The following GSTZ1 variants were observed in gnomAD, a reference collection of about 807,000 sequenced individuals.
GSTZ1 encodes glutathione S-transferase zeta 1, also known as maleylacetoacetate isomerase.
A neutral mutation model predicts 35.9 loss-of-function variants in GSTZ1; 34 were observed. That is an observed-to-expected ratio of 0.95 (90% CI 0.72 to 1.26). The LOEUF is 1.26. GSTZ1 is among the 50% of genes most tolerant of loss of function. GSTZ1 has a pLI of 0.00. For missense variants in GSTZ1, 263 were observed against 271.7 expected (o/e 0.97, Z 0.23); for synonymous variants, 93 against 101.2 (o/e 0.92, Z 0.49).
chr14:77,328,235 C>T (rs761069750), intron 5 of GSTZ1, 198 bp downstream of exon 5: 14 of 595,706 alleles, frequency 2.4e-5, no homozygotes, highest in African/African-American at 5.6e-5. Flanking sequence ...TCCCCCGCTG[C>T]GTTCCGAGAA....
At position 77,324,897 on chromosome 14, in the gene GSTZ1, T is replaced by C; in HGVS notation, c.43T>C (p.Ser15Pro). The C allele has an allele frequency of 6.2e-7, 1 of 1,614,016 alleles. No homozygotes were observed. Among genetic ancestry groups the C allele is most frequent in the South Asian group, 1.1e-5 (1 of 91,088 alleles). ...KPILYSYFRSSCSWRVRIALA... is the reference protein window; with the variant it reads ...KPILYSYFRSPCSWRVRIALA... ...CATCCTCTATTCCTATTTCCGAAGC[T>C]CCTGCTCATGGAGAGTTCGAATTGG... The change falls in exon 2 of 9, where the codon TCC (serine) becomes CCC (proline). Residue 15 changes from serine (S) to proline (P), a missense_variant. Coordinates refer to ENST00000216465, the MANE Select transcript of GSTZ1 (RefSeq NM_145870.3).
intron 1 of GSTZ1, chr14:77,323,931 T>C (rs1477985618): frequency 1.3e-5 from 2 of 152,338 alleles, no homozygotes; most frequent in Non-Finnish European, 2.9e-5. Context: ...AGGGCAACCT[T>C]TGTTTTACAA....
chr14:77,326,920 C>G lies in GSTZ1; in HGVS notation c.135+15C>G. The stretch of plus-strand genomic sequence containing the variant: ...GGGGCCAACAGGTAAGAAGGCTGTG[C>G]CCAGACCACAATGTGGGAATTGGAG... On this transcript the variant is annotated intron_variant, in intron 3 of 8. Transcript: ENST00000216465. 1 of 1,575,232 alleles carries G rather than the reference C, an allele frequency of 6.3e-7. No individual in the cohort carries two copies. The highest frequency in any genetic ancestry group is 8.7e-7 in the Non-Finnish European group (1 of 1,149,986).
intron 2 of GSTZ1, 68 bp downstream of exon 2, chr14:77,324,989 C>A: frequency 1.5e-6 from 2 of 1,315,952 alleles, no homozygotes; most frequent in Non-Finnish European, 2.2e-6. Context: ...AGCCCGGGTG[C>A]AAAGCTGGCC....
At chr14:77,330,948 T>A in intron 8 of GSTZ1, 121 bp from the exon 9 acceptor site, 1 of 879,130 alleles carries the variant, frequency 1.1e-6, no homozygotes, top group Non-Finnish European at 1.8e-6. Flanking sequence ...TGCCCCATCG[T>A]CCTTCCCTGG....
intron 5 of GSTZ1, chr14:77,328,893 G>A (rs1000386374): frequency 2.8e-5 from 16 of 581,524 alleles, no homozygotes; most frequent in South Asian, 4.0e-5. Flanking sequence ...ACAGAATCAC[G>A]TGGCTTTTTG....
At chr14:77,330,440 A>C in intron 8 of GSTZ1, 81 bp downstream of exon 8, 831 of 1,146,122 alleles carry the variant, frequency 7.3e-4, no homozygotes, top group Non-Finnish European at 1.0e-3. Context: ...ATAGCATCTC[A>C]TGCAGACGCT....
intron 4 of GSTZ1, 112 bp downstream of exon 4, chr14:77,327,664 C>A: frequency 1.2e-6 from 1 of 811,100 alleles, no homozygotes; most frequent in Non-Finnish European, 2.1e-6. Context: ...ATAGGAGAGG[C>A]TCAATACAAG....
chr14:77,330,375 G>A lies in GSTZ1; in HGVS notation c.524+16G>A, dbSNP rs535519880. 5.1e-5 allele frequency: 82 copies of A among 1,602,366 alleles called. 1 individual carries two copies. The Admixed American group carries it at 8.7e-4, about 17-fold the overall frequency. ...ATGCTGAAAGGTAAGAGAGAGCCCCGCCACCCTCCCTTCTCGTGGCTCTGC... is the reference window on the plus strand; with the variant it reads ...ATGCTGAAAGGTAAGAGAGAGCCCCACCACCCTCCCTTCTCGTGGCTCTGC... On this transcript the variant is annotated intron_variant, in intron 8 of 8. Coordinates refer to ENST00000216465, the MANE Select transcript of GSTZ1 (RefSeq NM_145870.3).
intron 1 of GSTZ1, chr14:77,323,803 C>T (rs1418613435): frequency 6.6e-6 from 1 of 152,186 alleles, no homozygotes; most frequent in Admixed American, 6.5e-5. Flanking sequence ...TTTATGGGGA[C>T]AGCCGAGAGC....
chr14:77,321,660 G>A (rs1038277032), intron 1 of GSTZ1: 1 of 443,294 alleles, frequency 2.3e-6, no homozygotes, highest in Admixed American at 4.9e-5. Flanking sequence ...GAGGCGGGCG[G>A]ATCACAAGGT....
intron 5 of GSTZ1, 74 bp downstream of exon 5, chr14:77,328,111 C>A: frequency 1.3e-6 from 2 of 1,506,420 alleles, no homozygotes; most frequent in Non-Finnish European, 1.8e-6. Flanking sequence ...GTGAGCTGCC[C>A]AGTGTGGGGG....
chr14:77,328,098 G>A, intron 5 of GSTZ1, 61 bp downstream of exon 5: 1 of 1,568,372 alleles, frequency 6.4e-7, no homozygotes. Flanking sequence ...TCACACATTG[G>A]CTGTGAGCTG....
chr14:77,329,980 G>A lies in GSTZ1; in HGVS notation c.474+173G>A, dbSNP rs943786824. 66 of 654,858 alleles carry A rather than the reference G, an allele frequency of 1.0e-4. No individual in the cohort carries two copies. Among genetic ancestry groups the A allele is most frequent in the Non-Finnish European group, 1.7e-5 (6 of 360,954 alleles). The allele number at this position is 654,858 out of a possible 1,614,324, so 40.6% of individuals were successfully genotyped here. ...TCTTAAGAGGGAGTTACTCAAGGTA[G>A]AAGACTGGCTGTGAGAGGATGAGGC... On this transcript the variant is annotated intron_variant, in intron 7 of 8. Transcript: ENST00000216465.
intron 2 of GSTZ1, chr14:77,325,681 T>C (rs1892280499): frequency 6.9e-6 from 1 of 144,232 alleles, no homozygotes; most frequent in African/African-American, 2.9e-5. Context: ...AGCAAATGAC[T>C]GTGATGAAAT....
chr14:77,329,323 T>C, intron 6 of GSTZ1, 122 bp downstream of exon 6: 3 of 745,458 alleles, frequency 4.0e-6, no homozygotes, highest in Non-Finnish European at 7.2e-6. Context: ...GTTGCATGGA[T>C]GAGGGCAGGA....
chr14:77,324,962 G>T, intron 2 of GSTZ1, 41 bp downstream of exon 2: 1 of 1,548,660 alleles, frequency 6.5e-7, no homozygotes, highest in Non-Finnish European at 8.9e-7. Flanking sequence ...CTGGAGTGGG[G>T]TGGACTGGGG....
rs917111423 is a variant in GSTZ1 at position 77,321,215 on chromosome 14, T to C, written c.15+32T>C. The C allele has an allele frequency of 2.6e-6, 4 of 1,509,926 alleles. No individual in the cohort carries two copies. In the African/African-American group the frequency reaches 4.2e-5, roughly 16 times the overall value. The allele number at this position is 1,509,926 out of a possible 1,614,324, so 93.5% of individuals were successfully genotyped here. A position where few individuals can be genotyped will look rare whatever the true frequency, so the allele number is the denominator to read the frequency against. Reference sequence around the variant, plus strand: ...GACGCGCACCCGGGTGGAGGGAAGCTGGTTAGACACCTGGAGACCCTGGGG... The same window carrying C: ...GACGCGCACCCGGGTGGAGGGAAGCCGGTTAGACACCTGGAGACCCTGGGG... On this transcript the variant is annotated intron_variant, in intron 1 of 8. Transcript: ENST00000216465.
At chr14:77,330,995 C>T in intron 8 of GSTZ1, 74 bp from the exon 9 acceptor site, 1 of 1,458,386 alleles carries the variant, frequency 6.9e-7, no homozygotes, top group East Asian at 2.3e-5. Context: ...TGCCTCTCTG[C>T]TCCCCCTGCT....
Sources: gnomAD v4.1 joint callset for allele counts on GRCh38, gnomAD v4.1.1 for gene constraint, MANE v1.5 for transcripts, NCBI Gene and HGNC (gene_info 2026-07-23, HGNC 2026-07-21) for gene names.